LYPD6B: variants seen among roughly 807,000 people sequenced by gnomAD.
The protein encoded by LYPD6B is ly6/PLAUR domain-containing protein 6B.
LYPD6B carries 17 observed loss-of-function variants against 22.8 expected under a neutral mutation model. That is an observed-to-expected ratio of 0.75 (90% CI 0.51 to 1.12). The LOEUF (loss-of-function observed/expected upper bound fraction) is 1.12. Ranked by LOEUF, LYPD6B falls within the 50% of genes most tolerant of loss-of-function variation. The pLI is 0.00. For synonymous variants in LYPD6B, 106 were observed against 91.6 expected (o/e 1.16, Z -0.90); for missense variants, 221 against 258.3 (o/e 0.86, Z 0.99).
At chr2:149,167,505 C>T (rs1329588255) in intron 3 of LYPD6B, among the ~76,000 whole-genome samples, 2 of 152,040 alleles carry the variant, frequency 1.3e-5, no homozygotes, top group Admixed American at 1.3e-4. Flanking sequence ...TAGTGGTGCC[C>T]AGGAGAAGGA....
chr2:149,142,958 T>A (rs1352928544), intron 2 of LYPD6B, among the ~76,000 whole-genome samples: 1 of 152,194 alleles, frequency 6.6e-6, no homozygotes, highest in Admixed American at 6.5e-5. Flanking sequence ...TATGGAGAAG[T>A]TGAAAAGATA....
intron 4 of LYPD6B, among the ~76,000 whole-genome samples, chr2:149,206,600 T>TA (rs1491048281): frequency 6.6e-6 from 1 of 152,080 alleles, no homozygotes; most frequent in African/African-American, 2.4e-5. Flanking sequence ...AAAATCATTT[T>TA]AAAAAAGACA....
chr2:149,054,080 G>T (rs1683682779), intron 1 of LYPD6B, among the ~76,000 whole-genome samples: 1 of 152,200 alleles, frequency 6.6e-6, no homozygotes, highest in African/African-American at 2.4e-5. Flanking sequence ...ATAAGTGTTT[G>T]TGTGGAATGT....
At chr2:149,194,789 G>A (rs1166812303) in intron 3 of LYPD6B, among the ~76,000 whole-genome samples, 1 of 152,182 alleles carries the variant, frequency 6.6e-6, no homozygotes, top group Non-Finnish European at 1.5e-5. Flanking sequence ...CACAGTGTAG[G>A]GTGGAGAGGG....
intron 1 of LYPD6B, among the ~76,000 whole-genome samples, chr2:149,089,897 G>T (rs1685572210): frequency 6.6e-6 from 1 of 152,172 alleles, no homozygotes; most frequent in South Asian, 2.1e-4. Context: ...TGAGTGTTTG[G>T]AACATTGTTA....
chr2:149,179,648 C>A (rs996977587), intron 3 of LYPD6B, among the ~76,000 whole-genome samples: 2 of 152,180 alleles, frequency 1.3e-5, no homozygotes, highest in Non-Finnish European at 2.9e-5. Flanking sequence ...TTCGCAGAGA[C>A]CTGCTAATTC....
At chr2:149,058,127 T>G (rs1055011438) in intron 1 of LYPD6B, among the ~76,000 whole-genome samples, 3 of 152,168 alleles carry the variant, frequency 2.0e-5, no homozygotes, top group Admixed American at 6.5e-5. Context: ...CTTGGATGAG[T>G]TGCCTTGGCC....
intron 1 of LYPD6B, among the ~76,000 whole-genome samples, chr2:149,040,253 A>C: frequency 3.6e-5 from 5 of 140,586 alleles, no homozygotes; most frequent in South Asian, 2.3e-4. Context: ...ACAGACTCTC[A>C]CTCTGTCACC....
intron 3 of LYPD6B, among the ~76,000 whole-genome samples, chr2:149,176,440 G>A (rs1691313734): frequency 6.6e-6 from 1 of 152,172 alleles, no homozygotes; most frequent in African/African-American, 2.4e-5. Context: ...AATTTGAGCT[G>A]GGCCTTACAG....
intron 3 of LYPD6B, among the ~76,000 whole-genome samples, chr2:149,189,365 T>TATATATATATATATATATATATAC (rs1559066292): frequency 1.1e-5 from 1 of 93,252 alleles, no homozygotes; most frequent in African/African-American, 3.6e-5. Flanking sequence ...TATATATATA[T>TATATATATATATATATATATATAC]ATACACACAC....
intron 3 of LYPD6B, among the ~76,000 whole-genome samples, chr2:149,190,284 G>A (rs747398171): frequency 2.6e-5 from 4 of 152,114 alleles, no homozygotes; most frequent in Admixed American, 1.3e-4. Context: ...ACGCACGTGC[G>A]TGTGTGTGTC....
intron 1 of LYPD6B, among the ~76,000 whole-genome samples, chr2:149,103,150 G>A (rs1686293548): frequency 6.6e-6 from 1 of 152,136 alleles, no homozygotes; most frequent in Non-Finnish European, 1.5e-5. Context: ...TCAAGGCATT[G>A]TTTTCAGTCC....
intron 1 of LYPD6B, among the ~76,000 whole-genome samples, chr2:149,046,623 T>A (rs374864133): frequency 1.3e-4 from 20 of 152,030 alleles, no homozygotes; most frequent in African/African-American, 4.3e-4. Context: ...AGCATTTTTT[T>A]ATATTTTCCT....
intron 3 of LYPD6B, among the ~76,000 whole-genome samples, chr2:149,170,549 A>G (rs1690747687): frequency 6.6e-6 from 1 of 152,204 alleles, no homozygotes; most frequent in Non-Finnish European, 1.5e-5. Flanking sequence ...ATTGATAGGC[A>G]TGTGTGTTCA....
intron 3 of LYPD6B, 126 bp from the exon 4 acceptor site, chr2:149,205,127 C>A: frequency 2.2e-6 from 2 of 928,872 alleles, no homozygotes; most frequent in Non-Finnish European, 3.2e-6. Flanking sequence ...CTCGCAGGTC[C>A]TGGCCCTACA....
chr2:149,064,825 C>T (rs1012309477), intron 1 of LYPD6B, among the ~76,000 whole-genome samples: 2 of 152,190 alleles, frequency 1.3e-5, no homozygotes, highest in East Asian at 3.8e-4. Context: ...GGGGCTGTCA[C>T]TGCCTGGAAC....
chr2:149,117,151 T>C (rs964518564), intron 1 of LYPD6B, among the ~76,000 whole-genome samples: 3 of 152,164 alleles, frequency 2.0e-5, no homozygotes, highest in Admixed American at 1.3e-4. Flanking sequence ...ACATTGCTGA[T>C]AATTTTCCTC....
intron 1 of LYPD6B, among the ~76,000 whole-genome samples, chr2:149,117,929 G>A (rs1687085732): frequency 6.6e-6 from 1 of 152,168 alleles, no homozygotes; most frequent in Non-Finnish European, 1.5e-5. Flanking sequence ...GTCACGTCTA[G>A]GCTAGGGCTG....
chr2:149,131,573 G>C (rs749051514), intron 2 of LYPD6B: 1 of 152,336 alleles, frequency 6.6e-6, no homozygotes. Flanking sequence ...AATTACTTTA[G>C]AGCTGCAAGC....
Sources: gnomAD v4.1 joint callset for allele counts (sites outside exome capture counted in the v4.1 genomes callset) on GRCh38, gnomAD v4.1.1 for gene constraint, MANE v1.5 for transcripts, NCBI Gene and HGNC (gene_info 2026-07-23, HGNC 2026-07-21) for gene names.